Variants in PTPRK observed in about 807,000 individuals in gnomAD.
The protein encoded by PTPRK is protein tyrosine phosphatase receptor type K, also known as receptor-type tyrosine-protein phosphatase kappa.
A neutral mutation model predicts 178.0 loss-of-function variants in PTPRK; 75 were observed. The observed-to-expected ratio is 0.42, with a 90% confidence interval of 0.35 to 0.51. PTPRK has a LOEUF of 0.51. PTPRK is among the 20% of genes least tolerant of loss of function. PTPRK has a pLI of 0.02. For missense variants in PTPRK, 1,441 were observed against 1,797.8 expected (o/e 0.80, Z 3.59); for synonymous variants, 637 against 620.6 (o/e 1.03, Z -0.39).
chr6:128,160,988 A>T (rs934757998), intron 7 of PTPRK, among the ~76,000 whole-genome samples: 55 of 151,542 alleles, frequency 3.6e-4, no homozygotes, highest in African/African-American at 1.2e-3. Flanking sequence ...GCTCAAGATG[A>T]TGTATACATT....
intron 3 of PTPRK, among the ~76,000 whole-genome samples, chr6:128,309,692 A>C (rs1202708705): frequency 6.6e-6 from 1 of 152,200 alleles, no homozygotes; most frequent in Non-Finnish European, 1.5e-5. Context: ...TTGTGTGGCC[A>C]GCTTGTAATA....
chr6:128,269,866 T>C (rs1356503076), intron 3 of PTPRK, among the ~76,000 whole-genome samples: 8 of 152,130 alleles, frequency 5.3e-5, no homozygotes, highest in Non-Finnish European at 1.2e-4. Context: ...AATCACTGAT[T>C]AGTCTGTAAA....
intron 6 of PTPRK, among the ~76,000 whole-genome samples, chr6:128,195,914 T>C (rs966978144): frequency 6.6e-6 from 1 of 152,158 alleles, no homozygotes; most frequent in African/African-American, 2.4e-5. Flanking sequence ...TTGTCCAAAA[T>C]AGCCTCAATT....
chr6:128,110,777 G>T (rs1790526091), intron 7 of PTPRK, among the ~76,000 whole-genome samples: 1 of 152,126 alleles, frequency 6.6e-6, no homozygotes, highest in Non-Finnish European at 1.5e-5. Context: ...AATGAGGAAT[G>T]AATGCAAGAC....
At position 128,343,010 on chromosome 6, in the gene PTPRK, G is replaced by A. The variant is rs533659881; in HGVS notation, c.224-20700C>T. 2.0e-5 allele frequency among the ~76,000 whole-genome samples: 3 copies of A among 152,224 alleles called. No homozygotes were observed. In the East Asian group the frequency reaches 5.8e-4, roughly 29 times the overall value. ...TTTTTGGGTGGGGTGGGTAGAGACT[G>A]CCTGAATTAAATCTTTCTTATTGTG... On this transcript the variant is annotated intron_variant, in intron 2 of 29. Transcript: ENST00000368226.
chr6:128,110,667 CA>C (rs1325784768), intron 7 of PTPRK, among the ~76,000 whole-genome samples: 3 of 151,528 alleles, frequency 2.0e-5, no homozygotes, highest in Non-Finnish European at 4.4e-5. Context: ...TGAGAAGAGC[CA>C]AGAGTCAAGC....
At chr6:128,512,702 A>G (rs946376162) in intron 1 of PTPRK, among the ~76,000 whole-genome samples, 1 of 152,212 alleles carries the variant, frequency 6.6e-6, no homozygotes, top group Non-Finnish European at 1.5e-5. Context: ...TACACTGTCT[A>G]TTACATCATA....
intron 3 of PTPRK, among the ~76,000 whole-genome samples, chr6:128,317,309 GA>G (rs1298942902): frequency 6.6e-6 from 1 of 152,070 alleles, no homozygotes; most frequent in Non-Finnish European, 1.5e-5. Context: ...TGACAAACAT[GA>G]AAGTATCCAG....
intron 3 of PTPRK, among the ~76,000 whole-genome samples, chr6:128,285,122 A>C (rs560582356): frequency 1.3e-5 from 2 of 152,326 alleles, no homozygotes; most frequent in Admixed American, 1.3e-4. Context: ...AAAACAGATA[A>C]AAACTGACTT....
At chr6:127,972,408 T>C (rs1774033277) in intron 29 of PTPRK, among the ~76,000 whole-genome samples, 1 of 152,192 alleles carries the variant, frequency 6.6e-6, no homozygotes, top group African/African-American at 2.4e-5. Context: ...TTTCTTACTC[T>C]GCATACAGCT....
intron 13 of PTPRK, among the ~76,000 whole-genome samples, chr6:128,063,818 C>T (rs986716650): frequency 5.3e-5 from 8 of 152,088 alleles, no homozygotes; most frequent in Admixed American, 3.9e-4. Context: ...AGGAGTAAAG[C>T]ACAAATGCTG....
At chr6:128,412,564 C>G (rs1246446187) in intron 1 of PTPRK, among the ~76,000 whole-genome samples, 1 of 152,152 alleles carries the variant, frequency 6.6e-6, no homozygotes, top group Non-Finnish European at 1.5e-5. Flanking sequence ...CCAGGTATCA[C>G]CAAGTCGAAA....
intron 3 of PTPRK, among the ~76,000 whole-genome samples, chr6:128,273,350 A>G (rs539073983): frequency 1.4e-4 from 22 of 152,284 alleles, no homozygotes; most frequent in Non-Finnish European, 3.1e-4. Flanking sequence ...CTAGAACTTA[A>G]AGTATAATAA....
intron 6 of PTPRK, among the ~76,000 whole-genome samples, chr6:128,211,671 T>C (rs892522273): frequency 6.6e-6 from 1 of 152,096 alleles, no homozygotes; most frequent in African/African-American, 2.4e-5. Context: ...CAGCAGAATG[T>C]ATATTAGCTA....
At chr6:128,121,059 A>G (rs1792378869) in intron 7 of PTPRK, among the ~76,000 whole-genome samples, 1 of 148,746 alleles carries the variant, frequency 6.7e-6, no homozygotes, top group African/African-American at 2.6e-5. Flanking sequence ...AGCAATAAAT[A>G]AGAGTTGAGA....
At chr6:128,296,594 T>G (rs1419326184) in intron 3 of PTPRK, among the ~76,000 whole-genome samples, 1 of 152,142 alleles carries the variant, frequency 6.6e-6, no homozygotes, top group African/African-American at 2.4e-5. Context: ...AAAAGAATTT[T>G]CAACCCAGAA....
Position 128,009,206 on chromosome 6 carries a change from T to TCAC in PTPRK, c.2254_2256dup (p.Val752dup). On this transcript the variant is annotated inframe_insertion, in exon 14 of 30. Coordinates refer to ENST00000368226, the MANE Select transcript of PTPRK (RefSeq NM_002844.4). ...ATTCCAGCACTAATTCCTGCTATTT[T>TCAC]CACCACTCTGTCTGTCTGCTTGGCG... 6.2e-7 allele frequency: 1 copy of TCAC among 1,609,318 alleles called. No homozygotes were observed. The highest frequency in any genetic ancestry group is 1.1e-5 in the South Asian group (1 of 90,932).
At chr6:128,279,325 C>T (rs1470237779) in intron 3 of PTPRK, among the ~76,000 whole-genome samples, 1 of 151,764 alleles carries the variant, frequency 6.6e-6, no homozygotes, top group Non-Finnish European at 1.5e-5. Flanking sequence ...TAAGTCAGCC[C>T]CTAGATTAAG....
At chr6:128,456,017 T>C (rs1848338870) in intron 1 of PTPRK, among the ~76,000 whole-genome samples, 1 of 152,028 alleles carries the variant, frequency 6.6e-6, no homozygotes, top group South Asian at 2.1e-4. Context: ...AACCAGGGAA[T>C]TATCACCAAT....
Sources: allele counts gnomAD v4.1 joint callset (sites outside exome capture counted in the v4.1 genomes callset), GRCh38; gene constraint gnomAD v4.1.1; transcripts MANE v1.5; gene names NCBI Gene and HGNC (gene_info 2026-07-23, HGNC 2026-07-21).